The following GHITM variants were observed in gnomAD, a reference collection of about 807,000 sequenced individuals.
The protein encoded by GHITM is growth hormone-inducible transmembrane protein.
Under a neutral mutation model 38.7 loss-of-function variants are expected in GHITM, and 24 were observed. That is an observed-to-expected ratio of 0.62 (90% CI 0.45 to 0.87). The LOEUF (loss-of-function observed/expected upper bound fraction) is 0.87, where lower values mean the gene tolerates loss of function less well. GHITM is among the 40% of genes least tolerant of loss of function. The pLI is 0.00. For synonymous variants in GHITM, 154 were observed against 147.8 expected (o/e 1.04, Z -0.30); for missense variants, 420 against 429.8 (o/e 0.98, Z 0.20).
chr10:84,149,331 C>T (rs1192393929), intron 6 of GHITM, among the ~76,000 whole-genome samples: 1 of 152,114 alleles, frequency 6.6e-6, no homozygotes, highest in Non-Finnish European at 1.5e-5. Context: ...AGATAGTATA[C>T]CTTATTAACC....
At chr10:84,147,169 G>A (rs1841564826) in intron 5 of GHITM, among the ~76,000 whole-genome samples, 1 of 152,198 alleles carries the variant, frequency 6.6e-6, no homozygotes, top group Non-Finnish European at 1.5e-5. Context: ...AAATTTAATT[G>A]CTGCTGTCCA....
intron 5 of GHITM, among the ~76,000 whole-genome samples, chr10:84,146,744 G>A (rs1335721336): frequency 6.6e-6 from 1 of 152,102 alleles, no homozygotes; most frequent in East Asian, 1.9e-4. Context: ...TTGTGTTTGG[G>A]CCATATCCTC....
chr10:84,144,769 A>T, intron 4 of GHITM, 106 bp from the exon 5 acceptor site: 1 of 641,018 alleles, frequency 1.6e-6, no homozygotes, highest in South Asian at 2.3e-5. Flanking sequence ...AGTGAATAAG[A>T]TTTAAAGTGT....
chr10:84,147,625 T>G (rs922590715), intron 5 of GHITM, among the ~76,000 whole-genome samples: 27 of 151,326 alleles, frequency 1.8e-4, no homozygotes, highest in African/African-American at 6.5e-4. Flanking sequence ...TCTTTTTTTT[T>G]GTTTGTTTTT....
chr10:84,150,312 C>G (rs368365674), intron 7 of GHITM, 69 bp downstream of exon 7: 2 of 1,157,542 alleles, frequency 1.7e-6, no homozygotes, highest in African/African-American at 3.1e-5. Context: ...ACTCCAATAT[C>G]CTAATTGATT....
rs187364930 is a variant in GHITM, at chr10:84,153,088, G to A, written c.*740G>A. ...TGTTTTACTTTTGAATGTTACAAAA[G>A]GAAATAACTTTAAAACTATTCTCAA... On this transcript the variant is annotated 3_prime_UTR_variant, in exon 9 of 9. Coordinates refer to ENST00000372134, the MANE Select transcript of GHITM (RefSeq NM_014394.3). 3 of 152,264 alleles carry A rather than the reference G, an allele frequency of 2.0e-5. No homozygotes were observed. Among genetic ancestry groups the A allele is most frequent in the African/African-American group, 7.2e-5 (3 of 41,562 alleles). The allele number at this position is 152,264 out of a possible 1,614,324, so 9.4% of individuals were successfully genotyped here. A position where few individuals can be genotyped will look rare whatever the true frequency, so the allele number is the denominator to read the frequency against.
chr10:84,150,755 C>T lies in GHITM; in HGVS notation c.828C>T (p.Tyr276=), dbSNP rs1841603869. 6.2e-7 allele frequency: 1 copy of T among 1,611,454 alleles called. No individual in the cohort carries two copies. The highest frequency in any genetic ancestry group is 8.5e-7 in the Non-Finnish European group (1 of 1,177,814). The change falls in exon 8 of 9, where the codon TAC becomes TAT. Residue 276 remains tyrosine, a synonymous_variant. Coordinates refer to ENST00000372134, the MANE Select transcript of GHITM (RefSeq NM_014394.3). ...CCACCGTGGCTGGTGCCACTCTTTA[C>T]TCAGTGGCAATGTACGGTGGATTAG... ...PPTTVAGATL[Y]SVAMYGGLVL...
intron 3 of GHITM, 123 bp from the exon 4 acceptor site, chr10:84,143,872 C>T (rs1231955721): frequency 6.3e-5 from 41 of 654,964 alleles, no homozygotes; most frequent in South Asian, 1.0e-4. Flanking sequence ...ATTTCTGTAC[C>T]CCATATGCAC....
At chr10:84,145,076 T>C in intron 5 of GHITM, 60 bp downstream of exon 5, 2 of 1,334,338 alleles carry the variant, frequency 1.5e-6, no homozygotes, top group Non-Finnish European at 2.1e-6. Context: ...AGATAAAATA[T>C]ATTGGAGGGA....
intron 5 of GHITM, among the ~76,000 whole-genome samples, chr10:84,145,509 G>C (rs1273719651): frequency 3.2e-4 from 48 of 152,202 alleles, no homozygotes; most frequent in Admixed American, 2.8e-3. Context: ...TCTAGCAGCA[G>C]ATATCAGACA....
At chr10:84,148,055 A>G (rs1381944329) in intron 5 of GHITM, among the ~76,000 whole-genome samples, 2 of 152,116 alleles carry the variant, frequency 1.3e-5, no homozygotes, top group Non-Finnish European at 2.9e-5. Flanking sequence ...ATATTTTTTA[A>G]TTAAGAGTTA....
At chr10:84,149,013 T>G (rs1319700380) in intron 6 of GHITM, among the ~76,000 whole-genome samples, 175 bp downstream of exon 6, 1 of 152,238 alleles carries the variant, frequency 6.6e-6, no homozygotes, top group Non-Finnish European at 1.5e-5. Context: ...AAGTTGATTT[T>G]GCTAAGACCA....
Position 84,150,170 on chromosome 10 carries a change from G to A in GHITM, c.708G>A (p.Ala236=), listed in dbSNP as rs201995209. ...GCCTCTCCACTGTGGCCATGTGTGCGCCCAGTGAAAAGTTTCTGAACATGG... is the reference window on the plus strand; with the variant it reads ...GCCTCTCCACTGTGGCCATGTGTGCACCCAGTGAAAAGTTTCTGAACATGG... ...VGGLSTVAMC[A]PSEKFLNMGA... The change falls in exon 7 of 9, where the codon GCG becomes GCA. Residue 236 remains alanine (A), a synonymous_variant. Transcript: ENST00000372134. The A allele has an allele frequency of 3.5e-5, 57 of 1,613,884 alleles. No individual in the cohort carries two copies. The highest frequency in any genetic ancestry group is 2.0e-4 in the South Asian group (18 of 91,068).
intron 5 of GHITM, among the ~76,000 whole-genome samples, chr10:84,147,972 AT>A (rs113950691): frequency 6.6e-6 from 1 of 152,000 alleles, no homozygotes; most frequent in African/African-American, 2.4e-5. Flanking sequence ...TGCTATATAT[AT>A]TTTTTTTAAA....
rs1589274530 is a variant in GHITM at position 84,142,645 on chromosome 10, T to C, written c.130-10T>C. 1.3e-6 allele frequency: 2 copies of C among 1,589,752 alleles called. No individual in the cohort carries two copies. Among genetic ancestry groups the C allele is most frequent in the East Asian group, 2.2e-5 (1 of 44,634 alleles). ...TGGGTGGTACGTGTCTTTGTTTGCA[T>C]GTGTGTCAGGAATATGCCACCAAAA... On this transcript the variant is annotated splice_polypyrimidine_tract_variant and intron_variant, in intron 2 of 8. Coordinates refer to ENST00000372134, the MANE Select transcript of GHITM (RefSeq NM_014394.3).
intron 6 of GHITM, 41 bp downstream of exon 6, chr10:84,148,879 C>A: frequency 8.0e-7 from 1 of 1,244,030 alleles, no homozygotes; most frequent in African/African-American, 1.5e-5. Flanking sequence ...ACCTTGACTA[C>A]CACCTTTTTT....
In GHITM at chr10:84,150,117, G is replaced by A. The variant is rs774973670; in HGVS notation, c.655G>A (p.Ala219Thr). 2 of 1,613,868 alleles carry A rather than the reference G, an allele frequency of 1.2e-6. No individual in the cohort carries two copies. Among genetic ancestry groups the A allele is most frequent in the Non-Finnish European group, 1.7e-6 (2 of 1,179,822 alleles). ...ILGGPLLIRA[A>T]WYTAGIVGGL... Reference sequence around the variant, plus strand: ...AGGGGGTCCTCTTCTCATCAGAGCTGCATGGTACACAGCTGGCATTGTGGG... The same window carrying A: ...AGGGGGTCCTCTTCTCATCAGAGCTACATGGTACACAGCTGGCATTGTGGG... Residue 219 changes from alanine to threonine, a missense_variant, in exon 7 of 9, where the codon GCA becomes ACA. Ala to Thr is a moderately conservative substitution (Grantham distance 58). Coordinates refer to ENST00000372134, the MANE Select transcript of GHITM (RefSeq NM_014394.3).
At chr10:84,146,081 G>A (rs1345453060) in intron 5 of GHITM, among the ~76,000 whole-genome samples, 1 of 152,104 alleles carries the variant, frequency 6.6e-6, no homozygotes, top group East Asian at 1.9e-4. Context: ...ATTTTTTTAA[G>A]TAGACAAGGG....
At chr10:84,147,132 G>A (rs1032545070) in intron 5 of GHITM, among the ~76,000 whole-genome samples, 2 of 152,202 alleles carry the variant, frequency 1.3e-5, no homozygotes, top group Non-Finnish European at 2.9e-5. Flanking sequence ...AGTTTGGAGT[G>A]AGACTGGATC....
Sources: allele counts gnomAD v4.1 joint callset (sites outside exome capture counted in the v4.1 genomes callset), GRCh38; gene constraint gnomAD v4.1.1; transcripts MANE v1.5; gene names NCBI Gene and HGNC (gene_info 2026-07-23, HGNC 2026-07-21).